CNBD1: variants seen among roughly 807,000 people sequenced by gnomAD.
CNBD1 encodes the protein cyclic nucleotide-binding domain-containing protein 1.
A neutral mutation model predicts 54.4 loss-of-function variants in CNBD1; 71 were observed. The ratio of observed to expected loss-of-function variants is 1.30; its 90% CI spans 1.08 to 1.59. The LOEUF is 1.59. Among genes scored for constraint, CNBD1 ranks in the 40% most tolerant of loss-of-function variants. The probability of loss-of-function intolerance (pLI) is 0.00; values close to 1 mark genes in which losing one functional copy is unlikely to be tolerated. For synonymous variants in CNBD1, 182 were observed against 170.7 expected (o/e 1.07, Z -0.51); for missense variants, 659 against 518.0 (o/e 1.27, Z -2.64).
intron 5 of CNBD1, among the ~76,000 whole-genome samples, chr8:87,231,497 C>T (rs2130821046): frequency 6.6e-6 from 1 of 152,270 alleles, no homozygotes; most frequent in South Asian, 2.1e-4. Context: ...CTTTCAGTTT[C>T]CTCAGTTGTA....
At chr8:87,405,037 A>G (rs940831370) in intron 2 of CNBD1, among the ~76,000 whole-genome samples, 2 of 152,082 alleles carry the variant, frequency 1.3e-5, no homozygotes, top group Non-Finnish European at 2.9e-5. Context: ...GCTATCTTAT[A>G]TATCAGTACT....
intron 8 of CNBD1, among the ~76,000 whole-genome samples, chr8:87,306,634 C>G (rs949512999): frequency 6.6e-6 from 1 of 152,106 alleles, no homozygotes; most frequent in African/African-American, 2.4e-5. Context: ...AGATTGAAGA[C>G]TATTATTCTA....
At chr8:86,926,073 G>A (rs949617639) in intron 3 of CNBD1, among the ~76,000 whole-genome samples, 1 of 152,058 alleles carries the variant, frequency 6.6e-6, no homozygotes, top group Non-Finnish European at 1.5e-5. Context: ...TCCTCCCCAT[G>A]ATTGGCTACT....
chr8:86,896,195 T>C (rs1316412725), intron 2 of CNBD1, among the ~76,000 whole-genome samples: 1 of 152,168 alleles, frequency 6.6e-6, no homozygotes. Flanking sequence ...GTTGGAGGCA[T>C]TCTATTTCTA....
chr8:87,217,003 T>C (rs1308479779), intron 5 of CNBD1, among the ~76,000 whole-genome samples: 1 of 152,170 alleles, frequency 6.6e-6, no homozygotes, highest in Non-Finnish European at 1.5e-5. Flanking sequence ...CCCTGTTATC[T>C]GTTATCAGGA....
intron 4 of CNBD1, among the ~76,000 whole-genome samples, chr8:86,956,627 G>A (rs1254951978): frequency 6.6e-6 from 1 of 151,860 alleles, no homozygotes; most frequent in Non-Finnish European, 1.5e-5. Context: ...ATTTGGCTCT[G>A]TTTTTCTGTT....
chr8:86,963,289 A>G (rs947248449), intron 4 of CNBD1, among the ~76,000 whole-genome samples: 4 of 152,114 alleles, frequency 2.6e-5, no homozygotes, highest in Admixed American at 6.5e-5. Flanking sequence ...GACCCTATCT[A>G]TGCCATGTAT....
At chr8:87,151,068 T>C (rs1426069689) in intron 4 of CNBD1, among the ~76,000 whole-genome samples, 3 of 152,196 alleles carry the variant, frequency 2.0e-5, no homozygotes, top group African/African-American at 7.2e-5. Context: ...CCAGAGGAAT[T>C]CACAGATCTA....
chr8:86,880,252 G>T (rs894960462), intron 1 of CNBD1, among the ~76,000 whole-genome samples: 3 of 151,872 alleles, frequency 2.0e-5, no homozygotes, highest in Non-Finnish European at 4.4e-5. Context: ...TTGTCATTGG[G>T]ATTACAGGAG....
chr8:87,300,858 T>C (rs1808973798), intron 8 of CNBD1, among the ~76,000 whole-genome samples: 1 of 152,096 alleles, frequency 6.6e-6, no homozygotes, highest in Non-Finnish European at 1.5e-5. Context: ...AAATAAAATC[T>C]TTTGTGAAGA....
intron 5 of CNBD1, among the ~76,000 whole-genome samples, chr8:87,223,138 T>G (rs1380445304): frequency 6.6e-6 from 1 of 151,218 alleles, no homozygotes; most frequent in African/African-American, 2.4e-5. Flanking sequence ...TCAACCAGTT[T>G]CAATAGCCAT....
chr8:87,162,192 G>A (rs151225480), intron 4 of CNBD1, among the ~76,000 whole-genome samples: 1 of 151,926 alleles, frequency 6.6e-6, no homozygotes, highest in African/African-American at 2.4e-5. Flanking sequence ...ACTAAATAGA[G>A]CATAGAAGAA....
chr8:87,164,671 CTTCTTT>C (rs1413054503), intron 4 of CNBD1, among the ~76,000 whole-genome samples: 31 of 151,288 alleles, frequency 2.0e-4, no homozygotes, highest in Non-Finnish European at 3.8e-4. Context: ...TTATTTGAAT[CTTCTTT>C]TTCTTTAGTC....
downstream of CNBD1, among the ~76,000 whole-genome samples, chr8:87,386,868 T>G (rs1310789501): frequency 6.6e-6 from 1 of 152,100 alleles, no homozygotes; most frequent in Non-Finnish European, 1.5e-5. Context: ...AAAGGTGGGG[T>G]TACCCACAAA....
chr8:87,109,746 G>T (rs999302054), intron 4 of CNBD1, among the ~76,000 whole-genome samples: 3 of 151,776 alleles, frequency 2.0e-5, no homozygotes, highest in African/African-American at 7.3e-5. Flanking sequence ...CACCGTGTTA[G>T]CCAGGATGGT....
intron 4 of CNBD1, among the ~76,000 whole-genome samples, chr8:87,101,442 A>AATATAT (rs201383561): frequency 6.6e-6 from 1 of 151,004 alleles, no homozygotes; most frequent in Non-Finnish European, 1.5e-5. Context: ...TACAACTATA[A>AATATAT]ATATATATAT....
intron 2 of CNBD1, among the ~76,000 whole-genome samples, chr8:87,421,815 G>C (rs1432452441): frequency 4.9e-5 from 7 of 142,396 alleles, no homozygotes; most frequent in Admixed American, 7.0e-5. Context: ...GGGTCAAATG[G>C]TATTTCTAGT....
intron 2 of CNBD1, among the ~76,000 whole-genome samples, chr8:87,420,529 G>T (rs1357046871): frequency 2.6e-5 from 4 of 152,048 alleles, no homozygotes; most frequent in Non-Finnish European, 5.9e-5. Context: ...GTCAAAGTTT[G>T]CTGATACTCG....
At chr8:87,353,572 A>C (rs911147078) in intron 9 of CNBD1, 64 bp from the exon 10 acceptor site, 3 of 1,093,998 alleles carry the variant, frequency 2.7e-6, no homozygotes, top group Non-Finnish European at 4.0e-6. Context: ...TTCTGATAAA[A>C]ACAATACTGA....
Sources: allele counts gnomAD v4.1 joint callset (sites outside exome capture counted in the v4.1 genomes callset), GRCh38; gene constraint gnomAD v4.1.1; transcripts MANE v1.5; gene names NCBI Gene and HGNC (gene_info 2026-07-23, HGNC 2026-07-21).